Variants in GTF3C4 observed in about 807,000 individuals in gnomAD.
GTF3C4 encodes the protein general transcription factor 3C polypeptide 4.
GTF3C4 carries 28 observed loss-of-function variants against 67.5 expected under a neutral mutation model. The ratio of observed to expected loss-of-function variants is 0.41; its 90% CI spans 0.31 to 0.57. GTF3C4 has a LOEUF of 0.57. GTF3C4 is among the 20% of genes least tolerant of loss of function. The pLI is 0.21. For missense variants in GTF3C4, 831 were observed against 1,033.2 expected (o/e 0.80, Z 2.68); for synonymous variants, 409 against 393.0 (o/e 1.04, Z -0.48).
At chr9:132,677,561 T>C (rs1835880532) in intron 1 of GTF3C4, among the ~76,000 whole-genome samples, 1 of 152,338 alleles carries the variant, frequency 6.6e-6, no homozygotes, top group East Asian at 1.9e-4. Context: ...GAGGTGGGAA[T>C]GTTCAGGAAT....
In GTF3C4 at chr9:132,690,744, G is replaced by A. The variant is rs770118350; in HGVS notation, c.*1799G>A. On this transcript the variant is annotated 3_prime_UTR_variant, in exon 5 of 5. Coordinates refer to ENST00000372146, the MANE Select transcript of GTF3C4 (RefSeq NM_012204.4). ...CATGAGTAACAGAATTCAGAACATT[G>A]TATGGTGGAAGTCATTTGTGTCTGC... is the stretch of plus-strand genomic sequence containing the variant. The A allele has an allele frequency of 6.6e-6, 1 of 152,168 alleles. No individual in the cohort carries two copies. The highest frequency in any genetic ancestry group is 1.5e-5 in the Non-Finnish European group (1 of 68,038). 9.4% of individuals were successfully genotyped at this position (152,168 alleles called of 1,614,324 possible).
In GTF3C4 at chr9:132,678,931, G is replaced by C; in HGVS notation, c.1312G>C (p.Val438Leu). ...GACTGCAGACAAACAGAATGGAACA[G>C]TCTATACTTGCTCCAGTGACGGAAA... ...SMTADKQNGTVYTCSSDGKVR... is the reference protein window; with the variant it reads ...SMTADKQNGTLYTCSSDGKVR... Residue 438 changes from valine (V) to leucine (L), a missense_variant, in exon 2 of 5, where the codon GTC becomes CTC. By Grantham distance (32) the Val-to-Leu change is conservative. Transcript: ENST00000372146. The surrounding 1 kb of genome is among the most constrained non-coding windows in gnomAD (Gnocchi z 6.5). The C allele has an allele frequency of 6.2e-7, 1 of 1,614,234 alleles. No individual in the cohort carries two copies.
In GTF3C4 at chr9:132,689,743, A is replaced by G. The variant is rs1348958112; in HGVS notation, c.*798A>G. The G allele has an allele frequency of 2.0e-5, 3 of 152,140 alleles. No homozygotes were observed. Among genetic ancestry groups the G allele is most frequent in the Admixed American group, 6.5e-5 (1 of 15,278 alleles). 9.4% of individuals were successfully genotyped at this position (152,140 alleles called of 1,614,324 possible). The stretch of plus-strand genomic sequence containing the variant: ...TTAACTGTGGTAGCCTAGATGAGCT[A>G]TTTGTACACAGAGGAAAAAAAGATA... On this transcript the variant is annotated 3_prime_UTR_variant, in exon 5 of 5. Transcript: ENST00000372146.
chr9:132,674,723 A>C lies in GTF3C4; in HGVS notation c.358-3254A>C, dbSNP rs116223659. The stretch of plus-strand genomic sequence containing the variant: ...ATTTTTGCATACTTTTATTAGCATT[A>C]AATATCTTATTAACATTTACTTAAG... On this transcript the variant is annotated intron_variant, in intron 1 of 4. Coordinates refer to ENST00000372146, the MANE Select transcript of GTF3C4 (RefSeq NM_012204.4). Among the ~76,000 whole-genome samples, 528 of 152,346 alleles carry C rather than the reference A, an allele frequency of 3.5e-3. 4 individuals carry two copies. Among genetic ancestry groups the C allele is most frequent in the African/African-American group, 0.012 (510 of 41,564 alleles).
At chr9:132,683,065 T>C (rs1835972630) in intron 2 of GTF3C4, among the ~76,000 whole-genome samples, 1 of 152,244 alleles carries the variant, frequency 6.6e-6, no homozygotes, top group African/African-American at 2.4e-5. Context: ...TACTGGACCA[T>C]GTTGGCCATG....
chr9:132,686,804 G>C (rs1836036716), intron 3 of GTF3C4, among the ~76,000 whole-genome samples: 1 of 152,156 alleles, frequency 6.6e-6, no homozygotes, highest in East Asian at 1.9e-4. Context: ...GGGAGGCTTA[G>C]GCAGAAGGAT....
In GTF3C4 at chr9:132,689,627, C is replaced by T. The variant is rs1184244455; in HGVS notation, c.*682C>T. 6.6e-6 allele frequency: 1 copy of T among 152,272 alleles called. No homozygotes were observed. Among genetic ancestry groups the T allele is most frequent in the Non-Finnish European group, 1.5e-5 (1 of 68,154 alleles). 9.4% of individuals were successfully genotyped at this position (152,272 alleles called of 1,614,324 possible). ...AATTGTGACTTATTTTTCATTCTCT[C>T]CTGGGTCATCAGGTTTCCTGACCCA... On this transcript the variant is annotated 3_prime_UTR_variant, in exon 5 of 5. Transcript: ENST00000372146.
intron 3 of GTF3C4, among the ~76,000 whole-genome samples, chr9:132,684,204 T>C (rs1835990660): frequency 6.6e-6 from 1 of 152,214 alleles, no homozygotes; most frequent in Non-Finnish European, 1.5e-5. Flanking sequence ...GGGTGGTTGC[T>C]TATCATCTGC....
Position 132,679,556 on chromosome 9 carries a change from A to G in GTF3C4, c.1937A>G (p.Glu646Gly). 6.2e-7 allele frequency: 1 copy of G among 1,614,182 alleles called. No individual in the cohort carries two copies. The highest frequency in any genetic ancestry group is 8.5e-7 in the Non-Finnish European group (1 of 1,180,034). Residue 646 changes from glutamate (E) to glycine (G), a missense_variant, in exon 2 of 5, where the codon GAG (glutamate) becomes GGG (glycine). By Grantham distance (98) the Glu-to-Gly change is moderately conservative (BLOSUM62 -2). Transcript: ENST00000372146. The surrounding 1 kb of genome is among the most constrained non-coding windows in gnomAD (Gnocchi z 5.9). ...GAGAGGAGCAAGGAAGGAGATGTAG[A>G]GGAGCCCACTGATGACTCGCTCCCC... Reference protein sequence around the residue: ...LQERSKEGDVEEPTDDSLPTT... With the variant: ...LQERSKEGDVGEPTDDSLPTT...
Position 132,678,597 on chromosome 9 carries a change from A to G in GTF3C4, c.978A>G (p.Arg326=), listed in dbSNP as rs766284639. ...GGTGGGAATATGAGCACAATAATCG[A>G]AAAATGAGTGGCCTTATTGTGGGGA... ...LFWWEYEHNN[R]KMSGLIVGSA... Residue 326 remains arginine (R), a synonymous_variant, in exon 2 of 5, where the codon CGA becomes CGG. Coordinates refer to ENST00000372146, the MANE Select transcript of GTF3C4 (RefSeq NM_012204.4). This position sits in a 1 kb window ranked among gnomAD's most constrained non-coding sequence, Gnocchi z 6.5. 6.2e-6 allele frequency: 10 copies of G among 1,614,046 alleles called. No homozygotes were observed. Among genetic ancestry groups the G allele is most frequent in the African/African-American group, 2.7e-5 (2 of 74,920 alleles).
At chr9:132,680,663 C>G (rs1835926377) in intron 2 of GTF3C4, among the ~76,000 whole-genome samples, 1 of 152,164 alleles carries the variant, frequency 6.6e-6, no homozygotes, top group African/African-American at 2.4e-5. Context: ...AATGTTAAGC[C>G]ATTCACAATC....
rs1470998910 is a variant in GTF3C4 at position 132,691,157 on chromosome 9, C to CT, written c.*2215dup. The CT allele has an allele frequency of 6.6e-6, 1 of 152,250 alleles. No individual in the cohort carries two copies. The highest frequency in any genetic ancestry group is 1.5e-5 in the Non-Finnish European group (1 of 68,090). The allele number at this position is 152,250 out of a possible 1,614,324, so 9.4% of individuals were successfully genotyped here. A position where few individuals can be genotyped will look rare whatever the true frequency, so the allele number is the denominator to read the frequency against. On this transcript the variant is annotated 3_prime_UTR_variant, in exon 5 of 5. Transcript: ENST00000372146. ...GTTTCCACACACCCAGTTGGAAGGCCTTTCCCTGCCCTTGTCCCTGTCTCA... is the reference window on the plus strand; with the variant it reads ...GTTTCCACACACCCAGTTGGAAGGCCTTTTCCCTGCCCTTGTCCCTGTCTCA...
rs1836138483 is a variant in GTF3C4 at position 132,692,779 on chromosome 9, G to A, written c.*3834G>A. The A allele has an allele frequency of 6.6e-6, 1 of 152,190 alleles. No individual in the cohort carries two copies. Among genetic ancestry groups the A allele is most frequent in the African/African-American group, 2.4e-5 (1 of 41,438 alleles). The allele number at this position is 152,190 out of a possible 1,614,324, so 9.4% of individuals were successfully genotyped here. On this transcript the variant is annotated 3_prime_UTR_variant, in exon 5 of 5. Coordinates refer to ENST00000372146, the MANE Select transcript of GTF3C4 (RefSeq NM_012204.4). ...AAAAATCCCTCTAAAGGATCTAACT[G>A]TAATGAACTGTTTTTATTTTTGCCA...
intron 1 of GTF3C4, among the ~76,000 whole-genome samples, chr9:132,676,761 T>C (rs1318017716): frequency 2.0e-5 from 3 of 152,238 alleles, no homozygotes; most frequent in Non-Finnish European, 4.4e-5. Flanking sequence ...GTAATTCCTC[T>C]AGGCTTGAAC....
intron 3 of GTF3C4, among the ~76,000 whole-genome samples, chr9:132,685,510 C>T (rs561534346): frequency 2.0e-5 from 3 of 151,314 alleles, no homozygotes; most frequent in African/African-American, 7.3e-5. Flanking sequence ...TATTGCATTC[C>T]TACACTTTTT....
Position 132,679,484 on chromosome 9 carries a change from A to G in GTF3C4, c.1865A>G (p.Gln622Arg). 6.2e-7 allele frequency: 1 copy of G among 1,614,136 alleles called. No individual in the cohort carries two copies. Among genetic ancestry groups the G allele is most frequent in the Non-Finnish European group, 8.5e-7 (1 of 1,180,002 alleles). ...ATGGGCAATGCTGACGATGAACAGC[A>G]GGAAGAAGGCACTTCTTCCAAACAG... ...PGMGNADDEQ[Q>R]EEGTSSKQVV... The change falls in exon 2 of 5, where the codon CAG becomes CGG. Residue 622 changes from glutamine to arginine, a missense_variant. Around this residue, in one of 4 missense-constraint regions of GTF3C4, gnomAD observed 75 missense variants for 66.4 expected, o/e 1.13. Transcript: ENST00000372146. This position sits in a 1 kb window ranked among gnomAD's most constrained non-coding sequence, Gnocchi z 5.9.
Position 132,690,643 on chromosome 9 carries a change from C to T in GTF3C4, c.*1698C>T, listed in dbSNP as rs1368026009. On this transcript the variant is annotated 3_prime_UTR_variant, in exon 5 of 5. Transcript: ENST00000372146. ...TGTATTTGCTATTCTGCTTATTTTT[C>T]TCATTTGGTGGTAATTTCAAGAAGA... 6.6e-6 allele frequency: 1 copy of T among 151,996 alleles called. No individual in the cohort carries two copies. The highest frequency in any genetic ancestry group is 1.5e-5 in the Non-Finnish European group (1 of 68,002). The allele number at this position is 151,996 out of a possible 1,614,324, so 9.4% of individuals were successfully genotyped here. A position where few individuals can be genotyped will look rare whatever the true frequency, so the allele number is the denominator to read the frequency against.
rs2130900385 is a variant in GTF3C4 at position 132,683,604 on chromosome 9, T to A, written c.2226T>A (p.Thr742=). ...TCTCAAAGAAGATGAACAAACAGAC[T>A]TTCCCTGAGCACTGTAGTTTGTGTA... is the stretch of plus-strand genomic sequence containing the variant. ...GHISKKMNKQ[T]FPEHCSLCKE... The change falls in exon 3 of 5, where the codon ACT becomes ACA. Residue 742 remains threonine, a synonymous_variant. Transcript: ENST00000372146. The A allele has an allele frequency of 6.2e-7, 1 of 1,613,086 alleles. No homozygotes were observed. Among genetic ancestry groups the A allele is most frequent in the East Asian group, 2.2e-5 (1 of 44,798 alleles).
In GTF3C4 at chr9:132,692,470, C is replaced by T. The variant is rs575870278; in HGVS notation, c.*3525C>T. The T allele has an allele frequency of 2.6e-5, 4 of 152,272 alleles. No individual in the cohort carries two copies. Among genetic ancestry groups the T allele is most frequent in the African/African-American group, 9.6e-5 (4 of 41,554 alleles). The allele number at this position is 152,272 out of a possible 1,614,324, so 9.4% of individuals were successfully genotyped here. A position where few individuals can be genotyped will look rare whatever the true frequency, so the allele number is the denominator to read the frequency against. On this transcript the variant is annotated 3_prime_UTR_variant, in exon 5 of 5. Coordinates refer to ENST00000372146, the MANE Select transcript of GTF3C4 (RefSeq NM_012204.4). ...CCTTCCCACCACCTGTTTCCCCTCA[C>T]TCCCACCCCCAGCCAATATTCTTCA...
Sources: allele counts gnomAD v4.1 joint callset (sites outside exome capture counted in the v4.1 genomes callset), GRCh38; gene constraint gnomAD v4.1.1; regional missense constraint gnomAD v4.1.1; non-coding constraint Gnocchi (gnomAD v3.1); transcripts MANE v1.5; gene names NCBI Gene and HGNC (gene_info 2026-07-23, HGNC 2026-07-21).